MEIS2: variants seen among roughly 807,000 people sequenced by gnomAD.
The protein encoded by MEIS2 is homeobox protein Meis2.
In MEIS2, 9 loss-of-function variants were observed where a neutral mutation model predicts 58.6. That is an observed-to-expected ratio of 0.15 (90% CI 0.09 to 0.27). The LOEUF (loss-of-function observed/expected upper bound fraction) is 0.27. Among genes scored for constraint, MEIS2 ranks in the 10% least tolerant of loss-of-function variants. The probability of loss-of-function intolerance (pLI) is 1.00; values close to 1 mark genes in which losing one functional copy is unlikely to be tolerated. For missense variants in MEIS2, 427 were observed against 635.0 expected, an observed-to-expected ratio of 0.67 and a Z score of 3.52; for synonymous variants, 221 against 228.4, an observed-to-expected ratio of 0.97 and a Z score of 0.29.
rs148444214 is a variant in MEIS2, at chr15:36,892,353, T to C, written c.1254A>G (p.Gln418=). The change falls in exon 12 of 12, where the codon CAA becomes CAG. Residue 418 remains glutamine, a synonymous_variant. Transcript: ENST00000561208. The part of the protein sequence containing the change: ...TPPQMTPHPT[Q]LRHGPPMHSY... ...AATGCATTGGGGGTCCATGTCTTAA[T>C]TGAGTAGGGTGTGGGGTCATCTGGG... 31 of 1,613,766 alleles carry C rather than the reference T, an allele frequency of 1.9e-5. No homozygotes were observed. Among genetic ancestry groups the C allele is most frequent in the African/African-American group, 4.0e-5 (3 of 74,846 alleles).
At chr15:37,018,376 G>A (rs775496103) in intron 8 of MEIS2, among the ~76,000 whole-genome samples, 6 of 152,170 alleles carry the variant, frequency 3.9e-5, no homozygotes, top group African/African-American at 7.2e-5. Context: ...AAGGAGAAAC[G>A]TGGCAATCTA....
rs541749806 is a variant in MEIS2 at position 37,057,454 on chromosome 15, T to C, written c.755-20495A>G. 3.1e-3 allele frequency among the ~76,000 whole-genome samples: 476 copies of C among 152,314 alleles called. 4 individuals carry two copies. The highest frequency in any genetic ancestry group is 0.011 in the African/African-American group (456 of 41,568). On this transcript the variant is annotated intron_variant, in intron 7 of 11. Transcript: ENST00000561208. The stretch of plus-strand genomic sequence containing the variant: ...TTTTCAGTTTTGCTGGCCTTTGTGC[T>C]GTCACACACAAAGTCGGAGTGCAGC...
At chr15:37,020,776 T>C (rs545018424) in intron 8 of MEIS2, among the ~76,000 whole-genome samples, 3 of 152,196 alleles carry the variant, frequency 2.0e-5, no homozygotes, top group Admixed American at 1.3e-4. Flanking sequence ...CATAAACCTT[T>C]GAACTTTTCC....
At chr15:37,092,383 T>A (rs1893630656) in intron 6 of MEIS2, among the ~76,000 whole-genome samples, 3 of 152,176 alleles carry the variant, frequency 2.0e-5, no homozygotes, top group African/African-American at 4.8e-5. Context: ...AATTCATTTC[T>A]CATACCAGTC....
chr15:36,923,256 C>A (rs1305317545), intron 9 of MEIS2, among the ~76,000 whole-genome samples: 1 of 151,998 alleles, frequency 6.6e-6, no homozygotes, highest in Non-Finnish European at 1.5e-5. Flanking sequence ...TTCCAATGAT[C>A]TTGATGTTTT....
At chr15:36,983,239 G>T (rs1047877788) in intron 8 of MEIS2, among the ~76,000 whole-genome samples, 1 of 152,068 alleles carries the variant, frequency 6.6e-6, no homozygotes. Flanking sequence ...ATGTCAAAAA[G>T]ATCTTTCCCT....
rs200152076 is a variant in MEIS2 at position 36,932,680 on chromosome 15, GTCTGTCTGTCT to G, written c.977+17633_977+17643del. Among the ~76,000 whole-genome samples, 1,235 of 152,190 alleles carry G rather than the reference GTCTGTCTGTCT, an allele frequency of 8.1e-3. 15 individuals are homozygous for G. The highest frequency in any genetic ancestry group is 0.029 in the African/African-American group (1,190 of 41,524). On this transcript the variant is annotated intron_variant, in intron 9 of 11. Transcript: ENST00000561208. Reference sequence around the variant, plus strand: ...TGTGCATGTGTGTGTGCACGTGTGTGTCTGTCTGTCTTCTGTCTGTCTATATGTACATATTC... The same window carrying G: ...TGTGCATGTGTGTGTGCACGTGTGTGTCTGTCTGTCTATATGTACATATTC...
chr15:36,890,293 T>C lies in MEIS2; in HGVS notation c.*1880A>G, dbSNP rs1291614989. 1.3e-5 allele frequency: 2 copies of C among 152,184 alleles called. No homozygotes were observed. The highest frequency in any genetic ancestry group is 1.3e-4 in the Admixed American group (2 of 15,282). 9.4% of individuals were successfully genotyped at this position (152,184 alleles called of 1,614,324 possible). ...CCCTTTTTGCACACTTTAGCAGACA[T>C]TGTTTGTGCAGTATCAATAAGCTAA... is the stretch of plus-strand genomic sequence containing the variant. On this transcript the variant is annotated 3_prime_UTR_variant, in exon 12 of 12. Transcript: ENST00000561208.
intron 7 of MEIS2, among the ~76,000 whole-genome samples, chr15:37,057,538 C>T (rs1461692572): frequency 6.6e-6 from 1 of 152,116 alleles, no homozygotes; most frequent in Non-Finnish European, 1.5e-5. Context: ...ATTTTTCCCC[C>T]ATTTTCTAAA....
At chr15:37,096,628 G>T in intron 2 of MEIS2, 198 bp from the exon 3 acceptor site, 1 of 516,682 alleles carries the variant, frequency 1.9e-6, no homozygotes, top group Non-Finnish European at 3.2e-6. Context: ...GCCCTCTCCC[G>T]CAGCTCAGAG....
At chr15:37,017,701 G>A (rs919143530) in intron 8 of MEIS2, among the ~76,000 whole-genome samples, 7 of 152,228 alleles carry the variant, frequency 4.6e-5, no homozygotes, top group African/African-American at 1.7e-4. Context: ...ACCAACCACA[G>A]CAGGGAAGGA....
At chr15:36,935,792 G>A (rs746638112) in intron 9 of MEIS2, among the ~76,000 whole-genome samples, 1 of 145,824 alleles carries the variant, frequency 6.9e-6, no homozygotes, top group Admixed American at 6.9e-5. Flanking sequence ...CTGTATCTCA[G>A]TTTTTTTTTT....
In MEIS2 at chr15:36,908,277, C is replaced by T. The variant is rs142760829; in HGVS notation, c.978-11591G>A. ...ACGGTATTATTACCCCCAAAATTTT[C>T]GGCATCATCCCGTAATCATAAAAGA... On this transcript the variant is annotated intron_variant, in intron 9 of 11. Transcript: ENST00000561208. Among the ~76,000 whole-genome samples the T allele has an allele frequency of 8.8e-3, 1,335 of 152,256 alleles. 21 individuals carry two copies. The highest frequency in any genetic ancestry group is 0.031 in the African/African-American group (1,280 of 41,538).
intron 9 of MEIS2, among the ~76,000 whole-genome samples, chr15:36,911,687 A>G (rs1361127702): frequency 1.3e-5 from 2 of 152,170 alleles, no homozygotes; most frequent in East Asian, 3.8e-4. Flanking sequence ...CAGCCCGGCG[A>G]AGGGCTCTGG....
chr15:36,930,014 C>A (rs2057908368), intron 9 of MEIS2, among the ~76,000 whole-genome samples: 1 of 151,796 alleles, frequency 6.6e-6, no homozygotes, highest in Admixed American at 6.6e-5. Context: ...ACCAGCCTGG[C>A]CAACATGGTG....
intron 9 of MEIS2, among the ~76,000 whole-genome samples, chr15:36,914,699 T>G (rs1006390783): frequency 7.2e-5 from 11 of 152,184 alleles, no homozygotes; most frequent in Non-Finnish European, 1.2e-4. Context: ...ATCAGTGGCT[T>G]GAGGGTAGTA....
chr15:36,998,236 GTTTTTTTTTTTTTTT>G (rs5811954), intron 8 of MEIS2, among the ~76,000 whole-genome samples: 3 of 66,756 alleles, frequency 4.5e-5, no homozygotes, highest in African/African-American at 1.1e-4. Flanking sequence ...AAAACACAAA[GTTTTTTTTTTTTTTT>G]TTTTTTTTTT....
chr15:36,918,326 C>A (rs193279190), intron 9 of MEIS2, among the ~76,000 whole-genome samples: 1 of 152,252 alleles, frequency 6.6e-6, no homozygotes, highest in African/African-American at 2.4e-5. Flanking sequence ...TGGACAAGTT[C>A]TTTAACTTTT....
rs375824296 is a variant in MEIS2, at chr15:37,073,083, T to C, written c.754+10688A>G. ...CAGGACAGTACTTGACACAATTATA[T>C]GGTCCATAAATGTTCAATGAAGAGA... On this transcript the variant is annotated intron_variant, in intron 7 of 11. Transcript: ENST00000561208. Among the ~76,000 whole-genome samples the C allele has an allele frequency of 1.7e-4, 26 of 152,230 alleles. No individual in the cohort carries two copies. In the East Asian group the frequency reaches 3.9e-3, roughly 23 times the overall value.
Sources: gnomAD v4.1 joint callset for allele counts (sites outside exome capture counted in the v4.1 genomes callset) on GRCh38, gnomAD v4.1.1 for gene constraint, MANE v1.5 for transcripts, NCBI Gene and HGNC (gene_info 2026-07-23, HGNC 2026-07-21) for gene names.